KLF12: variants seen among roughly 807,000 people sequenced by gnomAD.
The protein encoded by KLF12 is Krueppel-like factor 12.
Under a neutral mutation model 37.8 loss-of-function variants are expected in KLF12, and 9 were observed. The ratio of observed to expected loss-of-function variants is 0.24; its 90% CI spans 0.14 to 0.42. The LOEUF is 0.42. KLF12 is among the 10% of genes least tolerant of loss of function. The pLI is 1.00. For missense variants in KLF12, 411 were observed against 516.0 expected, an observed-to-expected ratio of 0.80 and a Z score of 1.97; for synonymous variants, 208 against 202.1, an observed-to-expected ratio of 1.03 and a Z score of -0.25.
intron 6 of KLF12, among the ~76,000 whole-genome samples, chr13:73,724,460 G>T (rs59216429): frequency 0.15 from 23,126 of 152,030 alleles, 2,877 homozygotes; most frequent in African/African-American, 0.35. Context: ...AGACCAAGTA[G>T]AACTCATTGG....
intron 6 of KLF12, among the ~76,000 whole-genome samples, chr13:73,751,077 T>A (rs1050208710): frequency 1.8e-4 from 27 of 151,970 alleles, no homozygotes; most frequent in Admixed American, 1.8e-3. Context: ...AGAGGAGGAG[T>A]AGAAAGAAGT....
intron 1 of KLF12, among the ~76,000 whole-genome samples, chr13:74,046,928 G>T (rs1170110990): frequency 6.6e-6 from 1 of 151,756 alleles, no homozygotes; most frequent in African/African-American, 2.4e-5. Flanking sequence ...CACTATCATT[G>T]ATTCTCCTAT....
intron 3 of KLF12, among the ~76,000 whole-genome samples, chr13:73,852,378 A>T (rs1399223523): frequency 3.9e-5 from 6 of 152,256 alleles, no homozygotes; most frequent in Non-Finnish European, 8.8e-5. Flanking sequence ...CTACACTGAT[A>T]ACCTGGAATT....
At chr13:73,762,889 T>C (rs1007509367) in intron 6 of KLF12, among the ~76,000 whole-genome samples, 1 of 152,188 alleles carries the variant, frequency 6.6e-6, no homozygotes, top group African/African-American at 2.4e-5. Context: ...CTCACAGTAT[T>C]TACCTAAGGA....
chr13:73,846,434 T>C, intron 3 of KLF12, 61 bp from the exon 4 acceptor site: 1 of 1,406,978 alleles, frequency 7.1e-7, no homozygotes, highest in Non-Finnish European at 9.8e-7. Flanking sequence ...TATCGATGCA[T>C]GGCTTACCAC....
the KLF12 span, among the ~76,000 whole-genome samples, chr13:74,224,790 A>T: frequency 6.6e-6 from 1 of 152,178 alleles, no homozygotes; most frequent in Non-Finnish European, 1.5e-5. Context: ...TATAAGATGG[A>T]TATTGTTGTA....
intron 1 of KLF12, among the ~76,000 whole-genome samples, chr13:74,117,987 A>G (rs1020741613): frequency 1.3e-5 from 2 of 152,250 alleles, no homozygotes; most frequent in African/African-American, 4.8e-5. Flanking sequence ...AGTGAGATCC[A>G]AACAACAATA....
At chr13:74,036,144 C>CT (rs1235349466) in intron 1 of KLF12, among the ~76,000 whole-genome samples, 1 of 152,158 alleles carries the variant, frequency 6.6e-6, no homozygotes, top group Non-Finnish European at 1.5e-5. Flanking sequence ...CACCCACTCT[C>CT]TAAGTCTTCA....
chr13:73,734,974 T>C (rs1160746812), intron 6 of KLF12, among the ~76,000 whole-genome samples: 2 of 152,000 alleles, frequency 1.3e-5, no homozygotes, highest in Non-Finnish European at 2.9e-5. Flanking sequence ...CAGAGAATTA[T>C]ATCCCACAAT....
chr13:73,697,748 G>GA (rs1874250957), intron 7 of KLF12, among the ~76,000 whole-genome samples: 1 of 152,102 alleles, frequency 6.6e-6, no homozygotes, highest in Admixed American at 6.5e-5. Context: ...ACCAGCTAGA[G>GA]AGAGTGTAAG....
chr13:73,879,892 T>A (rs1886897623), intron 3 of KLF12, among the ~76,000 whole-genome samples: 1 of 152,298 alleles, frequency 6.6e-6, no homozygotes, highest in Admixed American at 6.5e-5. Context: ...ACAGCCTAAA[T>A]AAAATACTTA....
At chr13:74,301,629 G>C in the KLF12 span, among the ~76,000 whole-genome samples, 1 of 152,164 alleles carries the variant, frequency 6.6e-6, no homozygotes, top group African/African-American at 2.4e-5. Context: ...GAGCAAAGGG[G>C]AAAACGAGAA....
At chr13:73,842,808 C>T (rs1388428709) in intron 4 of KLF12, among the ~76,000 whole-genome samples, 1 of 152,196 alleles carries the variant, frequency 6.6e-6, no homozygotes, top group Non-Finnish European at 1.5e-5. Flanking sequence ...TTCTCTCAGC[C>T]TTCACTACTG....
At chr13:73,781,804 C>A (rs1880982804) in intron 5 of KLF12, among the ~76,000 whole-genome samples, 1 of 151,820 alleles carries the variant, frequency 6.6e-6, no homozygotes, top group African/African-American at 2.4e-5. Flanking sequence ...TAAAAAACTG[C>A]CTATTACCAA....
At chr13:74,082,835 G>A (rs1005787658) in intron 1 of KLF12, among the ~76,000 whole-genome samples, 7 of 152,064 alleles carry the variant, frequency 4.6e-5, no homozygotes, top group East Asian at 1.9e-4. Context: ...GCATTTTCCC[G>A]GGGCAGGGAA....
intron 3 of KLF12, among the ~76,000 whole-genome samples, chr13:73,857,616 C>A (rs1167586249): frequency 6.6e-6 from 1 of 152,172 alleles, no homozygotes; most frequent in African/African-American, 2.4e-5. Context: ...CATTTAGACA[C>A]AGATGGCAAT....
At chr13:73,917,263 C>T (rs751679085) in intron 3 of KLF12, among the ~76,000 whole-genome samples, 3 of 152,110 alleles carry the variant, frequency 2.0e-5, no homozygotes, top group South Asian at 2.1e-4. Flanking sequence ...AGGAGACAGG[C>T]ACTTACTATA....
intron 6 of KLF12, among the ~76,000 whole-genome samples, chr13:73,756,599 C>G (rs9600161): frequency 0.19 from 28,287 of 152,160 alleles, 3,047 homozygotes; most frequent in African/African-American, 0.29. Flanking sequence ...AAGCTACTAC[C>G]CTTACGAGAG....
intron 6 of KLF12, among the ~76,000 whole-genome samples, chr13:73,728,120 T>TA (rs1594015387): frequency 6.6e-6 from 1 of 152,228 alleles, no homozygotes; most frequent in African/African-American, 2.4e-5. Flanking sequence ...TCCGTTTAAT[T>TA]AAAAAAATTT....
Sources: allele counts gnomAD v4.1 joint callset (sites outside exome capture counted in the v4.1 genomes callset), GRCh38; gene constraint gnomAD v4.1.1; transcripts MANE v1.5; gene names NCBI Gene and HGNC (gene_info 2026-07-23, HGNC 2026-07-21).